The following POC1A variants were observed in gnomAD, a reference collection of about 807,000 sequenced individuals.
The protein encoded by POC1A is POC1 centriolar protein homolog A.
In POC1A, 34 loss-of-function variants were observed where a neutral mutation model predicts 47.8. The ratio of observed to expected loss-of-function variants is 0.71; its 90% CI spans 0.54 to 0.95. The LOEUF (loss-of-function observed/expected upper bound fraction) is 0.95, where lower values mean the gene tolerates loss of function less well. Ranked by LOEUF, POC1A falls within the 40% of genes least tolerant of loss-of-function variation. POC1A has a pLI of 0.00. For missense variants in POC1A, 466 were observed against 528.3 expected (o/e 0.88, Z 1.16); for synonymous variants, 177 against 207.6 (o/e 0.85, Z 1.27).
intron 9 of POC1A, among the ~76,000 whole-genome samples, chr3:52,120,259 A>G (rs1703728704): frequency 6.6e-6 from 1 of 152,214 alleles, no homozygotes; most frequent in Admixed American, 6.5e-5. Flanking sequence ...TGTTATATAT[A>G]TATATGTATC....
chr3:52,126,476 A>G (rs1704005895), intron 7 of POC1A, among the ~76,000 whole-genome samples: 1 of 152,200 alleles, frequency 6.6e-6, no homozygotes, highest in Non-Finnish European at 1.5e-5. Flanking sequence ...CCTCTGACGA[A>G]AAAAGCAAGT....
intron 10 of POC1A, among the ~76,000 whole-genome samples, chr3:52,094,702 T>C (rs1378293664): frequency 6.6e-6 from 1 of 152,232 alleles, no homozygotes; most frequent in Non-Finnish European, 1.5e-5. Flanking sequence ...CTTTATGGCA[T>C]CCAGAAACAC....
chr3:52,089,101 T>C (rs1374204427), intron 10 of POC1A, among the ~76,000 whole-genome samples: 1 of 151,822 alleles, frequency 6.6e-6, no homozygotes, highest in Non-Finnish European at 1.5e-5. Context: ...CCATGGGAGC[T>C]GCCACCCAGT....
intron 7 of POC1A, among the ~76,000 whole-genome samples, chr3:52,133,664 A>C (rs974143220): frequency 2.6e-5 from 4 of 152,186 alleles, no homozygotes; most frequent in African/African-American, 9.6e-5. Context: ...ACTGAAAGGT[A>C]AATCAGGGTG....
chr3:52,151,278 A>G, intron 1 of POC1A, 178 bp from the exon 2 acceptor site: 2 of 839,702 alleles, frequency 2.4e-6, no homozygotes, highest in Non-Finnish European at 3.4e-6. Flanking sequence ...AATAGTTTTT[A>G]CTATTTGAAT....
intron 9 of POC1A, among the ~76,000 whole-genome samples, chr3:52,104,170 G>C (rs2107008256): frequency 6.6e-6 from 1 of 152,328 alleles, no homozygotes; most frequent in Non-Finnish European, 1.5e-5. Context: ...ATATAACAAT[G>C]TGGGTCAATC....
intron 1 of POC1A, among the ~76,000 whole-genome samples, chr3:52,152,489 G>A (rs1359042669): frequency 2.0e-5 from 3 of 152,082 alleles, no homozygotes; most frequent in African/African-American, 7.2e-5. Flanking sequence ...AGAATCGCTT[G>A]AACCCAGGAG....
intron 3 of POC1A, 113 bp from the exon 4 acceptor site, chr3:52,149,502 C>T: frequency 6.3e-6 from 6 of 951,724 alleles, no homozygotes; most frequent in East Asian, 2.6e-5. Context: ...CAGTCAAGCC[C>T]GAGTACCCCA....
chr3:52,151,002 G>A lies in POC1A; in HGVS notation c.103+14C>T. 1 of 1,613,206 alleles carries A rather than the reference G, an allele frequency of 6.2e-7. No homozygotes were observed. Among genetic ancestry groups the A allele is most frequent in the Non-Finnish European group, 8.5e-7 (1 of 1,179,432 alleles). ...GCTCATAACCTAGCACCTAGACAGG[G>A]TGCCTCTTCTTACCCAGCTGCTTTG... On this transcript the variant is annotated intron_variant, in intron 2 of 10. Transcript: ENST00000296484.
At chr3:52,095,377 C>T (rs1361555415) in intron 10 of POC1A, among the ~76,000 whole-genome samples, 3 of 152,138 alleles carry the variant, frequency 2.0e-5, no homozygotes, top group Non-Finnish European at 4.4e-5. Context: ...TGATGACACA[C>T]CCTGGAAGAG....
intron 10 of POC1A, among the ~76,000 whole-genome samples, chr3:52,085,221 T>C (rs1275770985): frequency 2.0e-5 from 3 of 152,170 alleles, no homozygotes; most frequent in South Asian, 2.1e-4. Context: ...AGGCACCCCA[T>C]CCCCTGCCCC....
At position 52,154,391 on chromosome 3, in the gene POC1A, G is replaced by C. The variant is rs775840633; in HGVS notation, c.-19C>G. ...CAGCCATGGCGGGGCTGGCGGCGCC[G>C]AAGGCAGCTGCGGTGGCCGTTGCGG... On this transcript the variant is annotated 5_prime_UTR_variant, in exon 1 of 11. Coordinates refer to ENST00000296484, the MANE Select transcript of POC1A (RefSeq NM_015426.5). 2.9e-5 allele frequency: 43 copies of C among 1,467,428 alleles called. No homozygotes were observed. The East Asian group carries it at 3.7e-4, about 13-fold the overall frequency. The allele number at this position is 1,467,428 out of a possible 1,614,324, so 90.9% of individuals were successfully genotyped here. A position where few individuals can be genotyped will look rare whatever the true frequency, so the allele number is the denominator to read the frequency against.
chr3:52,142,538 C>T (rs1029657467), intron 6 of POC1A, among the ~76,000 whole-genome samples: 1 of 152,228 alleles, frequency 6.6e-6, no homozygotes, highest in African/African-American at 2.4e-5. Context: ...CTATGGACGG[C>T]TGGATGCAGG....
chr3:52,154,048 G>T (rs991675753), intron 1 of POC1A, among the ~76,000 whole-genome samples: 2 of 152,272 alleles, frequency 1.3e-5, no homozygotes, highest in African/African-American at 4.8e-5. Context: ...GGCTAGAGAG[G>T]CCCGATACCG....
At chr3:52,131,311 G>A (rs1704202687) in intron 7 of POC1A, among the ~76,000 whole-genome samples, 1 of 152,202 alleles carries the variant, frequency 6.6e-6, no homozygotes. Context: ...AACAACCGTG[G>A]TAGTTGGTAG....
At chr3:52,121,628 T>C (rs1444554105) in intron 9 of POC1A, among the ~76,000 whole-genome samples, 1 of 152,104 alleles carries the variant, frequency 6.6e-6, no homozygotes, top group Non-Finnish European at 1.5e-5. Flanking sequence ...GCGAGCCGCT[T>C]CCTGTTGTTT....
In POC1A at chr3:52,109,918, AG is replaced by A. The variant is rs556562936; in HGVS notation, c.981+12460del. On this transcript the variant is annotated intron_variant, in intron 9 of 10. Coordinates refer to ENST00000296484, the MANE Select transcript of POC1A (RefSeq NM_015426.5). The stretch of plus-strand genomic sequence containing the variant: ...GGGTTTTTTTCCATTTAAAATGAAA[AG>A]AAGTTCTGAAACTTCTAATCTAGGC... Among the ~76,000 whole-genome samples the A allele has an allele frequency of 4.6e-5, 7 of 152,264 alleles. No individual in the cohort carries two copies. In the East Asian group the frequency reaches 1.4e-3, roughly 29 times the overall value.
chr3:52,142,017 G>A (rs1698213572), intron 6 of POC1A, among the ~76,000 whole-genome samples: 1 of 152,192 alleles, frequency 6.6e-6, no homozygotes, highest in African/African-American at 2.4e-5. Context: ...AGTCACCGAA[G>A]TGCAAGGAAC....
chr3:52,089,230 G>T (rs934996121), intron 10 of POC1A, among the ~76,000 whole-genome samples: 1 of 151,770 alleles, frequency 6.6e-6, no homozygotes, highest in Non-Finnish European at 1.5e-5. Context: ...CCCCTGTCCC[G>T]CCACATTTGC....
Sources: allele counts gnomAD v4.1 joint callset (sites outside exome capture counted in the v4.1 genomes callset), GRCh38; gene constraint gnomAD v4.1.1; transcripts MANE v1.5; gene names NCBI Gene and HGNC (gene_info 2026-07-23, HGNC 2026-07-21).